FGF12: variants seen among roughly 807,000 people sequenced by gnomAD.
FGF12 encodes the protein fibroblast growth factor 12B.
FGF12 carries 14 observed loss-of-function variants against 23.6 expected under a neutral mutation model. The observed-to-expected ratio is 0.59, with a 90% CI of 0.39 to 0.93. The LOEUF is 0.93. FGF12 is among the 40% of genes least tolerant of loss of function. FGF12 has a pLI of 0.00. For synonymous variants in FGF12, 62 were observed against 77.3 expected, an observed-to-expected ratio of 0.80 and a Z score of 1.04; for missense variants, 175 against 217.8, an observed-to-expected ratio of 0.80 and a Z score of 1.24.
chr3:192,195,901 T>C (rs1024666732), intron 4 of FGF12, among the ~76,000 whole-genome samples: 2 of 152,156 alleles, frequency 1.3e-5, no homozygotes, highest in Admixed American at 1.3e-4. Flanking sequence ...TTTTCAAGAG[T>C]ACAATATGTC....
In FGF12 at chr3:192,292,426, T is replaced by C. The variant is rs146346784; in HGVS notation, c.228+42935A>G. ...ATAATTTACTTTAGGACAGTGACCTTGATTGCTTTAAAATGCCTTTAATCA... is the reference window on the plus strand; with the variant it reads ...ATAATTTACTTTAGGACAGTGACCTCGATTGCTTTAAAATGCCTTTAATCA... On this transcript the variant is annotated intron_variant, in intron 4 of 5. Transcript: ENST00000445105. Among the ~76,000 whole-genome samples, 443 of 152,298 alleles carry C rather than the reference T, an allele frequency of 2.9e-3. 4 individuals are homozygous for C. Among genetic ancestry groups the C allele is most frequent in the Middle Eastern group, 0.017 (5 of 294 alleles).
At chr3:192,555,061 A>G (rs1246649708) in intron 2 of FGF12, among the ~76,000 whole-genome samples, 1 of 152,178 alleles carries the variant, frequency 6.6e-6, no homozygotes, top group Non-Finnish European at 1.5e-5. Flanking sequence ...TGTTCATTAT[A>G]TGCAATATGA....
At chr3:192,210,893 G>A (rs1267317485) in intron 4 of FGF12, among the ~76,000 whole-genome samples, 1 of 152,168 alleles carries the variant, frequency 6.6e-6, no homozygotes, top group Non-Finnish European at 1.5e-5. Flanking sequence ...CAGTGATGAG[G>A]CCAGGGTGGC....
At chr3:192,335,530 T>A in intron 3 of FGF12, 66 bp from the exon 4 acceptor site, 1 of 990,438 alleles carries the variant, frequency 1.0e-6, no homozygotes, top group Non-Finnish European at 1.6e-6. Context: ...CTTCTTATAA[T>A]CATTCTTTTG....
intron 2 of FGF12, among the ~76,000 whole-genome samples, chr3:192,458,164 C>A (rs1272389347): frequency 6.6e-6 from 1 of 152,146 alleles, no homozygotes; most frequent in Non-Finnish European, 1.5e-5. Flanking sequence ...AGAGGTGGGG[C>A]CCTCATGAAG....
chr3:192,544,296 C>T (rs1169517944), intron 2 of FGF12, among the ~76,000 whole-genome samples: 1 of 152,154 alleles, frequency 6.6e-6, no homozygotes, highest in Non-Finnish European at 1.5e-5. Flanking sequence ...CTCTTTTCCA[C>T]CCTCTTCAGT....
intron 2 of FGF12, among the ~76,000 whole-genome samples, chr3:192,448,832 G>A (rs1311920481): frequency 6.6e-6 from 1 of 152,076 alleles, no homozygotes; most frequent in Non-Finnish European, 1.5e-5. Flanking sequence ...GTTTAGCTTA[G>A]AAGACCCAAA....
chr3:192,299,886 C>G (rs1204163263), intron 4 of FGF12, among the ~76,000 whole-genome samples: 1 of 152,176 alleles, frequency 6.6e-6, no homozygotes, highest in Non-Finnish European at 1.5e-5. Context: ...ATAGTCTTTC[C>G]ACAGATACAT....
intron 2 of FGF12, among the ~76,000 whole-genome samples, chr3:192,461,619 A>G (rs1226483034): frequency 1.3e-5 from 2 of 152,192 alleles, no homozygotes; most frequent in Admixed American, 6.5e-5. Context: ...TTATAACTGA[A>G]TTCACTTTTC....
chr3:192,159,657 T>C (rs1056833439), intron 5 of FGF12, among the ~76,000 whole-genome samples: 7 of 152,204 alleles, frequency 4.6e-5, no homozygotes, highest in Admixed American at 1.3e-4. Flanking sequence ...ATTTGAAAAG[T>C]AGTCATAGAA....
intron 2 of FGF12, among the ~76,000 whole-genome samples, chr3:192,365,001 C>T (rs1560086636): frequency 1.3e-5 from 2 of 151,716 alleles, no homozygotes; most frequent in African/African-American, 4.8e-5. Flanking sequence ...GATCTTCCTC[C>T]AAAAAACCCA....
intron 2 of FGF12, among the ~76,000 whole-genome samples, chr3:192,699,476 C>T (rs989611876): frequency 1.3e-5 from 2 of 152,104 alleles, no homozygotes; most frequent in African/African-American, 4.8e-5. Context: ...ATATCCACGC[C>T]TACACGCTTA....
intron 2 of FGF12, among the ~76,000 whole-genome samples, chr3:192,471,683 T>TATA (rs1723176461): frequency 6.6e-6 from 1 of 152,320 alleles, no homozygotes; most frequent in Admixed American, 6.5e-5. Context: ...AATTGATAGA[T>TATA]ATAAGCTGCT....
rs544603865 is a variant in FGF12, at chr3:192,172,497, T to G, written c.229-1841A>C. The stretch of plus-strand genomic sequence containing the variant: ...GAATAGCAATAAATTAATATTATGT[T>G]TATATTAATACTGAAATATGATTTC... On this transcript the variant is annotated intron_variant, in intron 4 of 5. Transcript: ENST00000445105. 2.1e-4 allele frequency among the ~76,000 whole-genome samples: 31 copies of G among 151,026 alleles called. 1 individual carries two copies. The highest frequency in any genetic ancestry group is 2.0e-3 in the Admixed American group (30 of 15,058).
rs765628632 is a variant in FGF12, at chr3:192,463,235, G to A, written c.14-102697C>T. ...GAAGTTCGAGACCAGCCTGGACAAC[G>A]TGGCAAAACCCCATTTCTACTAAAA... On this transcript the variant is annotated intron_variant, in intron 2 of 5. Coordinates refer to ENST00000445105, the MANE Select transcript of FGF12 (RefSeq NM_004113.6). 5.3e-5 allele frequency among the ~76,000 whole-genome samples: 8 copies of A among 152,088 alleles called. No homozygotes were observed. The East Asian group carries it at 9.7e-4, about 18-fold the overall frequency.
chr3:192,398,908 G>T (rs1452205285), intron 2 of FGF12, among the ~76,000 whole-genome samples: 4 of 152,154 alleles, frequency 2.6e-5, no homozygotes, highest in African/African-American at 2.4e-5. Context: ...GGCTTGCTCA[G>T]TGAGTCAGGA....
intron 4 of FGF12, among the ~76,000 whole-genome samples, chr3:192,227,581 A>T (rs901408954): frequency 8.2e-5 from 11 of 133,900 alleles, no homozygotes; most frequent in Non-Finnish European, 1.3e-4. Context: ...AACTTAAAGT[A>T]AAAAAAAAAA....
intron 2 of FGF12, among the ~76,000 whole-genome samples, chr3:192,681,739 G>A (rs1717534061): frequency 7.3e-6 from 1 of 136,724 alleles, no homozygotes; most frequent in Non-Finnish European, 1.6e-5. Context: ...TTTACAGATG[G>A]GCATACAGGG....
In FGF12 at chr3:192,468,405, C is replaced by A. The variant is rs151208735; in HGVS notation, c.14-107867G>T. Among the ~76,000 whole-genome samples the A allele has an allele frequency of 6.6e-5, 10 of 152,328 alleles. No homozygotes were observed. In the East Asian group the frequency reaches 1.9e-3, roughly 29 times the overall value. ...ATTTGTTGTCATTTCTCCTTCATCT[C>A]TTCCAGTGTATCACATACAACACTT... On this transcript the variant is annotated intron_variant, in intron 2 of 5. Coordinates refer to ENST00000445105, the MANE Select transcript of FGF12 (RefSeq NM_004113.6).
Sources: allele counts gnomAD v4.1 joint callset (sites outside exome capture counted in the v4.1 genomes callset), GRCh38; gene constraint gnomAD v4.1.1; transcripts MANE v1.5; gene names NCBI Gene and HGNC (gene_info 2026-07-23, HGNC 2026-07-21).